The following TRPC5 variants were observed in gnomAD, a reference collection of about 807,000 sequenced individuals.
TRPC5 encodes transient receptor potential cation channel subfamily C member 5.
A neutral mutation model predicts 56.5 loss-of-function variants in TRPC5; 9 were observed. That is an observed-to-expected ratio of 0.16 (90% CI 0.10 to 0.28). The LOEUF (loss-of-function observed/expected upper bound fraction) is 0.28. TRPC5 is among the 10% of genes least tolerant of loss of function. The pLI, the probability that TRPC5 is intolerant of heterozygous loss-of-function variation, is 1.00. For synonymous variants in TRPC5, 282 were observed against 278.5 expected, an observed-to-expected ratio of 1.01 and a Z score of -0.13; for missense variants, 469 against 748.9, an observed-to-expected ratio of 0.63 and a Z score of 4.36.
intron 2 of TRPC5, among the ~76,000 whole-genome samples, chrX:111,913,945 G>A (rs1255556947): frequency 1.2e-5 from 1 of 82,901 alleles, no homozygotes; most frequent in East Asian, 4.0e-4. Flanking sequence ...GGGCAACAGA[G>A]CAAGACTCAG....
At chrX:112,038,805 C>T (rs1430662773) in intron 1 of TRPC5, among the ~76,000 whole-genome samples, 1 of 108,885 alleles carries the variant, frequency 9.2e-6, no homozygotes, top group East Asian at 2.9e-4. Flanking sequence ...CCTCAGCCTC[C>T]CGAGTAGCTG....
At chrX:112,065,416 C>T (rs1930559044) in intron 1 of TRPC5, among the ~76,000 whole-genome samples, 1 of 112,236 alleles carries the variant, frequency 8.9e-6, no homozygotes, top group African/African-American at 3.2e-5. Context: ...TATTCTTCCA[C>T]ATCCTATCAC....
At chrX:112,033,377 T>A (rs975232335) in intron 1 of TRPC5, among the ~76,000 whole-genome samples, 9 of 109,073 alleles carry the variant, frequency 8.3e-5, no homozygotes, top group African/African-American at 3.0e-4. Flanking sequence ...ATTAAAAAAA[T>A]AGAGGTTTTA....
intron 1 of TRPC5, among the ~76,000 whole-genome samples, chrX:111,993,244 C>T (rs1165789374): frequency 3.0e-4 from 33 of 111,262 alleles, no homozygotes; most frequent in South Asian, 1.5e-3. Context: ...TCCTTCTTTA[C>T]GGCTGCATAG....
intron 1 of TRPC5, among the ~76,000 whole-genome samples, chrX:111,984,235 A>C (rs1010620208): frequency 1.8e-5 from 2 of 111,495 alleles, no homozygotes; most frequent in African/African-American, 6.5e-5. Context: ...GGCACCAAAC[A>C]ACCTCCGTAT....
chrX:112,072,474 G>A (rs974031442), intron 1 of TRPC5, among the ~76,000 whole-genome samples: 6 of 111,781 alleles, frequency 5.4e-5, no homozygotes, highest in African/African-American at 2.0e-4. Flanking sequence ...CTAACTGCTT[G>A]TTTAACATCT....
intron 1 of TRPC5, among the ~76,000 whole-genome samples, chrX:112,055,265 G>T: frequency 8.9e-6 from 1 of 112,109 alleles, no homozygotes; most frequent in Non-Finnish European, 1.9e-5. Flanking sequence ...ATGCCATTCT[G>T]CTTCTAGAAG....
chrX:111,940,752 C>T (rs1926755676), intron 2 of TRPC5, among the ~76,000 whole-genome samples: 1 of 107,346 alleles, frequency 9.3e-6, no homozygotes, highest in Non-Finnish European at 1.9e-5. Flanking sequence ...TTCTTTTTCT[C>T]TAGCAGCTAA....
At chrX:111,878,891 T>C (rs537955488) in intron 3 of TRPC5, among the ~76,000 whole-genome samples, 8 of 111,988 alleles carry the variant, frequency 7.1e-5, no homozygotes, top group Middle Eastern at 9.2e-3. Flanking sequence ...GTTTTCAATT[T>C]TGAGACCCTT....
chrX:111,787,489 T>TA (rs1226521247), intron 7 of TRPC5, among the ~76,000 whole-genome samples: 2 of 102,597 alleles, frequency 1.9e-5, no homozygotes, highest in Non-Finnish European at 4.0e-5. Flanking sequence ...ACATCACAAT[T>TA]AAAAGAACTA....
intron 6 of TRPC5, among the ~76,000 whole-genome samples, chrX:111,842,339 T>C (rs187332064): frequency 9.2e-6 from 1 of 108,216 alleles, no homozygotes; most frequent in African/African-American, 3.4e-5. Context: ...GGTTTCCTCA[T>C]GTTGGCCAGG....
intron 1 of TRPC5, among the ~76,000 whole-genome samples, chrX:111,963,288 C>T (rs1354064287): frequency 8.9e-6 from 1 of 112,458 alleles, no homozygotes; most frequent in Non-Finnish European, 1.9e-5. Flanking sequence ...GGGCGCCTGC[C>T]ATTGCCCAGG....
chrX:112,056,297 C>T (rs761123006), intron 1 of TRPC5, among the ~76,000 whole-genome samples: 32 of 111,872 alleles, frequency 2.9e-4, no homozygotes, highest in African/African-American at 1.0e-3. Context: ...AAAGTCTCCC[C>T]GTGTGATTCT....
At chrX:111,865,224 C>CA (rs1445010668) in intron 3 of TRPC5, among the ~76,000 whole-genome samples, 1 of 109,675 alleles carries the variant, frequency 9.1e-6, no homozygotes, top group African/African-American at 3.3e-5. Context: ...CCATGTTACC[C>CA]CCCCCAGCCT....
intron 2 of TRPC5, among the ~76,000 whole-genome samples, chrX:111,944,299 TGTGTGAGAGAGAGAGA>T (rs1926866021): frequency 1.1e-5 from 1 of 89,049 alleles, no homozygotes; most frequent in African/African-American, 5.1e-5. Flanking sequence ...TGTGTGTGTG[TGTGTGAGAGAGAGAGA>T]GAGAGAGAGA....
At position 111,781,998 on chromosome X, in the gene TRPC5, G is replaced by A. The variant is rs1221611720; in HGVS notation, c.2037C>T (p.Asn679=). Reference sequence around the variant, plus strand: ...CAGGGTCTCTTTTGGGGCAGAAGGTGTTGTTGAACCAGTTACCAAGGTATA... The same window carrying A: ...CAGGGTCTCTTTTGGGGCAGAAGGTATTGTTGAACCAGTTACCAAGGTATA... ...SFLYLGNWFN[N]TFCPKRDPDG... The change falls in exon 8 of 11, where the codon AAC becomes AAT. Residue 679 remains asparagine (N), a synonymous_variant. Transcript: ENST00000262839. 1.7e-6 allele frequency: 2 copies of A among 1,211,125 alleles called. No homozygotes were observed. Among genetic ancestry groups the A allele is most frequent in the East Asian group, 5.9e-5 (2 of 33,786 alleles).
intron 2 of TRPC5, among the ~76,000 whole-genome samples, chrX:111,929,811 A>G (rs1170202144): frequency 1.8e-5 from 2 of 112,473 alleles, no homozygotes; most frequent in Admixed American, 9.4e-5. Context: ...GAGATTGAGT[A>G]TTTGTCTCCA....
chrX:111,799,663 A>G (rs1921238604), intron 7 of TRPC5, among the ~76,000 whole-genome samples: 1 of 111,920 alleles, frequency 8.9e-6, no homozygotes, highest in South Asian at 3.7e-4. Flanking sequence ...AGCCCAAAAC[A>G]GTAAATTCCT....
intron 3 of TRPC5, chrX:111,902,689 G>C (rs1180372272): frequency 8.9e-6 from 1 of 112,229 alleles, no homozygotes; most frequent in Admixed American, 9.5e-5. Context: ...AAGAAAGCAT[G>C]TGTCCGACAA....
Sources: allele counts gnomAD v4.1 joint callset (sites outside exome capture counted in the v4.1 genomes callset), GRCh38; gene constraint gnomAD v4.1.1; transcripts MANE v1.5; gene names NCBI Gene and HGNC (gene_info 2026-07-23, HGNC 2026-07-21).